The following C3orf49 variants were observed in gnomAD, a reference collection of about 807,000 sequenced individuals.
The protein encoded by C3orf49 is putative uncharacterized protein C3orf49.
C3orf49 carries 27 observed loss-of-function variants against 13.3 expected under a neutral mutation model. The observed-to-expected ratio is 2.02, with a 90% CI of 1.49 to 2.79. The LOEUF (loss-of-function observed/expected upper bound fraction) is 2.79, where lower values mean the gene tolerates loss of function less well. Among genes scored for constraint, C3orf49 ranks in the 30% most tolerant of loss-of-function variants. The probability of loss-of-function intolerance (pLI) is 0.00; values close to 1 mark genes in which losing one functional copy is unlikely to be tolerated. For synonymous variants in C3orf49, 87 were observed against 47.6 expected, an observed-to-expected ratio of 1.83 and a Z score of -3.40; for missense variants, 242 against 134.2, an observed-to-expected ratio of 1.80 and a Z score of -3.97.
At chr3:63,830,470 C>T (rs1346936124) in intron 3 of C3orf49, among the ~76,000 whole-genome samples, 1 of 151,742 alleles carries the variant, frequency 6.6e-6, no homozygotes, top group Non-Finnish European at 1.5e-5. Flanking sequence ...TCACAATAGT[C>T]CTAATGCTAA....
At chr3:63,821,983 T>G (rs563124679) in intron 1 of C3orf49, among the ~76,000 whole-genome samples, 32 of 152,250 alleles carry the variant, frequency 2.1e-4, no homozygotes, top group East Asian at 3.9e-4. Flanking sequence ...TTCTTTTTTT[T>G]TTGTTTTTTT....
the C3orf49 span, among the ~76,000 whole-genome samples, chr3:63,809,950 C>G: frequency 6.6e-6 from 1 of 152,014 alleles, no homozygotes; most frequent in Non-Finnish European, 1.5e-5. Flanking sequence ...TAGTTCAAGA[C>G]GAGCCTGGCT....
chr3:63,821,297 C>T (rs1169516708), intron 1 of C3orf49, among the ~76,000 whole-genome samples: 1 of 151,972 alleles, frequency 6.6e-6, no homozygotes, highest in Non-Finnish European at 1.5e-5. Flanking sequence ...ACAGTGTTTT[C>T]CTGGAGAGTA....
the C3orf49 span, among the ~76,000 whole-genome samples, chr3:63,813,840 G>T: frequency 6.6e-6 from 1 of 152,182 alleles, no homozygotes; most frequent in African/African-American, 2.4e-5. Context: ...CACATGCAAA[G>T]GTCTCCCAAA....
At position 63,831,856 on chromosome 3, in the gene C3orf49, A is replaced by G. The variant is rs1477836301; in HGVS notation, c.849+12A>G. 2.9e-6 allele frequency: 2 copies of G among 696,026 alleles called. No individual in the cohort carries two copies. The highest frequency in any genetic ancestry group is 3.5e-5 in the African/African-American group (2 of 56,624). 43.1% of individuals were successfully genotyped at this position (696,026 alleles called of 1,614,324 possible). Reference sequence around the variant, plus strand: ...ATAAATTAAAAAATGTGTGTTTCCCATGTACCTGCTGCTGCTTCTGACTTT... The same window carrying G: ...ATAAATTAAAAAATGTGTGTTTCCCGTGTACCTGCTGCTGCTTCTGACTTT... On this transcript the variant is annotated intron_variant, in intron 5 of 6. Coordinates refer to ENST00000295896, the MANE Select transcript of C3orf49 (RefSeq NM_001355236.2).
chr3:63,838,224 A>G, intron 5 of C3orf49: 3 of 906,512 alleles, frequency 3.3e-6, no homozygotes, highest in Non-Finnish European at 1.6e-6. Flanking sequence ...TAGAATACAC[A>G]TTTTTTATAG....
At chr3:63,839,746 A>G in intron 5 of C3orf49, 1 of 1,613,304 alleles carries the variant, frequency 6.2e-7, no homozygotes, top group Non-Finnish European at 8.5e-7. Context: ...ATCTCCATCA[A>G]TGAGGAGACG....
intron 2 of C3orf49, among the ~76,000 whole-genome samples, chr3:63,826,170 T>C (rs1036435496): frequency 6.6e-6 from 1 of 152,212 alleles, no homozygotes; most frequent in African/African-American, 2.4e-5. Flanking sequence ...TTTAACTTTC[T>C]TCTAAGGGTG....
the C3orf49 span, among the ~76,000 whole-genome samples, chr3:63,798,768 C>A: frequency 1.3e-5 from 2 of 152,050 alleles, no homozygotes; most frequent in African/African-American, 2.4e-5. Flanking sequence ...CCTATGTCAC[C>A]GCTGAAATGT....
At chr3:63,797,746 C>T in the C3orf49 span, among the ~76,000 whole-genome samples, 2 of 152,116 alleles carry the variant, frequency 1.3e-5, no homozygotes, top group Non-Finnish European at 2.9e-5. Context: ...TCATTTTGTT[C>T]AGCCTTTCTT....
At chr3:63,842,781 C>A (rs1047413270) in intron 5 of C3orf49, among the ~76,000 whole-genome samples, 1 of 151,992 alleles carries the variant, frequency 6.6e-6, no homozygotes. Context: ...TAGTACACTA[C>A]CCGGGTGACA....
At chr3:63,840,535 G>A (rs902031956) in intron 5 of C3orf49, among the ~76,000 whole-genome samples, 10 of 152,248 alleles carry the variant, frequency 6.6e-5, no homozygotes, top group Middle Eastern at 3.4e-3. Flanking sequence ...AGGCTGCATT[G>A]AGCCATGATC....
At chr3:63,793,627 T>A in the C3orf49 span, among the ~76,000 whole-genome samples, 2 of 151,970 alleles carry the variant, frequency 1.3e-5, no homozygotes, top group Admixed American at 6.6e-5. Flanking sequence ...ACTGCCACTA[T>A]TTAAAATTCT....
intron 6 of C3orf49, among the ~76,000 whole-genome samples, chr3:63,845,623 C>T (rs866125948): frequency 1.3e-5 from 2 of 152,006 alleles, no homozygotes; most frequent in Middle Eastern, 3.2e-3. Context: ...TTTTTTCTTA[C>T]ATGTTTAGAT....
At chr3:63,789,146 A>C in the C3orf49 span, among the ~76,000 whole-genome samples, 1 of 152,276 alleles carries the variant, frequency 6.6e-6, no homozygotes, top group South Asian at 2.1e-4. Flanking sequence ...TTGTCAGGTC[A>C]GTGGGCATTA....
intron 3 of C3orf49, among the ~76,000 whole-genome samples, chr3:63,828,028 G>A (rs1351457106): frequency 6.6e-6 from 1 of 152,184 alleles, no homozygotes; most frequent in African/African-American, 2.4e-5. Context: ...TGCATACTAT[G>A]TGGAGTGGAA....
chr3:63,827,779 G>A, intron 3 of C3orf49, 54 bp downstream of exon 3: 2 of 683,984 alleles, frequency 2.9e-6, no homozygotes, highest in African/African-American at 1.8e-5. Flanking sequence ...TCAATGTCTA[G>A]AGATTTTGCA....
At chr3:63,808,309 G>A in the C3orf49 span, among the ~76,000 whole-genome samples, 8 of 152,142 alleles carry the variant, frequency 5.3e-5, no homozygotes, top group Admixed American at 2.0e-4. Context: ...TATTAGACAG[G>A]ATGTATGAAA....
the C3orf49 span, among the ~76,000 whole-genome samples, chr3:63,807,147 T>A: frequency 6.6e-6 from 1 of 152,010 alleles, no homozygotes; most frequent in African/African-American, 2.4e-5. Context: ...GAGACGGGGT[T>A]TCACCGTGTT....
Sources: allele counts gnomAD v4.1 joint callset (sites outside exome capture counted in the v4.1 genomes callset), GRCh38; gene constraint gnomAD v4.1.1; transcripts MANE v1.5; gene names NCBI Gene and HGNC (gene_info 2026-07-23, HGNC 2026-07-21).